Variants in DNAJC6 observed in about 807,000 individuals in gnomAD.
DNAJC6 encodes the protein DnaJ heat shock protein family (Hsp40) member C6.
A neutral mutation model predicts 110.0 loss-of-function variants in DNAJC6; 34 were observed. That is an observed-to-expected ratio of 0.31 (90% CI 0.24 to 0.41). The LOEUF (loss-of-function observed/expected upper bound fraction) is 0.41. DNAJC6 is among the 10% of genes least tolerant of loss of function. The pLI, the probability that DNAJC6 is intolerant of heterozygous loss-of-function variation, is 1.00. For synonymous variants in DNAJC6, 406 were observed against 437.2 expected (o/e 0.93, Z 0.89); for missense variants, 1,031 against 1,207.8 (o/e 0.85, Z 2.17).
chr1:65,264,800 T>A, exon 1 of DNAJC6: 1 of 1,545,516 alleles, frequency 6.5e-7, no homozygotes, highest in Non-Finnish European at 8.7e-7. Context: ...TGCTCCTCCG[T>A]TGAGAGACTT....
chr1:65,392,727 G>T lies in DNAJC6; in HGVS notation c.1765G>T (p.Gly589Cys). ...ELLSDLFGGG[G>C]AAGPTQAGQS... Reference sequence around the variant, plus strand: ...ACTGAGTGACCTGTTTGGGGGTGGAGGTGCAGCTGGTCCCACCCAGGCTGG... The same window carrying T: ...ACTGAGTGACCTGTTTGGGGGTGGATGTGCAGCTGGTCCCACCCAGGCTGG... The change falls in exon 12 of 19, where the codon GGT becomes TGT. Residue 589 changes from glycine (G) to cysteine (C), a missense_variant. Physicochemically the swap from Gly to Cys is radical, Grantham distance 159. Coordinates refer to ENST00000371069, the MANE Select transcript of DNAJC6 (RefSeq NM_001256864.2). 1 of 1,612,772 alleles carries T rather than the reference G, an allele frequency of 6.2e-7. No individual in the cohort carries two copies. The highest frequency in any genetic ancestry group is 8.5e-7 in the Non-Finnish European group (1 of 1,179,448).
At chr1:65,310,027 C>G in intron 1 of DNAJC6, 89 bp downstream of exon 1, 1 of 1,359,044 alleles carries the variant, frequency 7.4e-7, no homozygotes, top group African/African-American at 1.5e-5. Flanking sequence ...CCCGTGGTCC[C>G]CCAGCCCCGG....
At chr1:65,289,396 C>T (rs1036072332) in intron 1 of DNAJC6, among the ~76,000 whole-genome samples, 4 of 152,086 alleles carry the variant, frequency 2.6e-5, no homozygotes, top group African/African-American at 4.8e-5. Flanking sequence ...GGGGTTTTGC[C>T]GTGTTGGCCA....
chr1:65,405,368 C>CA (rs1209060459), intron 15 of DNAJC6, among the ~76,000 whole-genome samples: 2 of 152,104 alleles, frequency 1.3e-5, no homozygotes, highest in Admixed American at 6.5e-5. Context: ...TGCTTTATAA[C>CA]AAAAAATGAT....
Position 65,389,448 on chromosome 1 carries a change from A to C in DNAJC6, c.1386A>C (p.Gly462=), listed in dbSNP as rs781745301. 2 of 1,613,766 alleles carry C rather than the reference A, an allele frequency of 1.2e-6. No homozygotes were observed. Among genetic ancestry groups the C allele is most frequent in the African/African-American group, 2.7e-5 (2 of 74,886 alleles). ...HQEHQDTLAL[G]GQAPIDIPPD... ...AACATCAAGATACGCTGGCCTTAGG[A>C]GGTATGAGTCACCTGATGGTTTTGT... is the stretch of plus-strand genomic sequence containing the variant. The change falls in exon 10 of 19, where the codon GGA becomes GGC. Residue 462 remains glycine, a splice_region_variant and synonymous_variant. Coordinates refer to ENST00000371069, the MANE Select transcript of DNAJC6 (RefSeq NM_001256864.2).
intron 1 of DNAJC6, among the ~76,000 whole-genome samples, chr1:65,350,853 A>G (rs938579031): frequency 1.3e-5 from 2 of 152,298 alleles, no homozygotes; most frequent in Non-Finnish European, 2.9e-5. Flanking sequence ...ATATGCCAGC[A>G]TTTATAACCT....
chr1:65,272,576 T>A (rs925539039), intron 1 of DNAJC6, among the ~76,000 whole-genome samples: 3 of 152,248 alleles, frequency 2.0e-5, no homozygotes. Context: ...TATTTCTCTA[T>A]TCCCTGGAAG....
At chr1:65,264,859 C>T (rs368963141) in exon 1 of DNAJC6, 1 of 1,609,970 alleles carries the variant, frequency 6.2e-7, no homozygotes, top group African/African-American at 1.3e-5. Context: ...GTCAGGGTTG[C>T]AGAATCAGCC....
intron 1 of DNAJC6, among the ~76,000 whole-genome samples, chr1:65,360,171 C>T (rs1271186248): frequency 6.6e-6 from 1 of 152,198 alleles, no homozygotes; most frequent in African/African-American, 2.4e-5. Flanking sequence ...ACTTTTGGCA[C>T]TTATGTGGCT....
At chr1:65,341,442 T>G (rs1645388722) in intron 1 of DNAJC6, among the ~76,000 whole-genome samples, 2 of 152,150 alleles carry the variant, frequency 1.3e-5, no homozygotes, top group Admixed American at 1.3e-4. Flanking sequence ...GAGCTCTGAT[T>G]GTGTTACCTG....
intron 1 of DNAJC6, among the ~76,000 whole-genome samples, chr1:65,271,588 C>T (rs913584611): frequency 7.9e-5 from 12 of 151,896 alleles, no homozygotes; most frequent in African/African-American, 1.2e-4. Context: ...TTGATTAGGC[C>T]GGGTGCGGTG....
At chr1:65,295,499 C>T (rs577777300) in intron 1 of DNAJC6, among the ~76,000 whole-genome samples, 209 of 152,256 alleles carry the variant, frequency 1.4e-3, no homozygotes, top group African/African-American at 4.9e-3. Context: ...GCAGCTCTAA[C>T]CCAACCACAG....
intron 1 of DNAJC6, among the ~76,000 whole-genome samples, chr1:65,294,845 C>T (rs1447685448): frequency 1.3e-5 from 2 of 152,064 alleles, no homozygotes; most frequent in Admixed American, 6.6e-5. Flanking sequence ...AAAATGTTCT[C>T]TGTACAATAT....
chr1:65,400,848 G>C lies in DNAJC6; in HGVS notation c.2108-913G>C, dbSNP rs537687105. On this transcript the variant is annotated intron_variant, in intron 14 of 18. Coordinates refer to ENST00000371069, the MANE Select transcript of DNAJC6 (RefSeq NM_001256864.2). ...TTGATTTCCTTTGGATATATACCCA[G>C]TAGCAGGATTGATAAATCATATGGC... Among the ~76,000 whole-genome samples, 21 of 152,304 alleles carry C rather than the reference G, an allele frequency of 1.4e-4. 1 individual carries two copies. Among genetic ancestry groups the C allele is most frequent in the Middle Eastern group, 6.8e-3 (2 of 294 alleles).
At chr1:65,331,913 A>T (rs904705679) in intron 1 of DNAJC6, among the ~76,000 whole-genome samples, 4 of 152,024 alleles carry the variant, frequency 2.6e-5, no homozygotes, top group African/African-American at 9.7e-5. Flanking sequence ...TAATGTTGGG[A>T]TTTGCTCCAC....
chr1:65,271,324 A>G (rs1017876871), intron 1 of DNAJC6, among the ~76,000 whole-genome samples: 3 of 152,306 alleles, frequency 2.0e-5, no homozygotes, highest in East Asian at 3.9e-4. Flanking sequence ...TATTAACCCC[A>G]GTCACAGTGC....
intron 1 of DNAJC6, among the ~76,000 whole-genome samples, chr1:65,326,659 C>G (rs1645244454): frequency 6.6e-6 from 1 of 152,184 alleles, no homozygotes; most frequent in African/African-American, 2.4e-5. Flanking sequence ...GAAGCCCCCT[C>G]TCCAGTGCCC....
intron 15 of DNAJC6, among the ~76,000 whole-genome samples, chr1:65,403,059 CT>C (rs1273564851): frequency 6.6e-6 from 1 of 152,006 alleles, no homozygotes; most frequent in Non-Finnish European, 1.5e-5. Context: ...AAACTCCTGC[CT>C]TAATAAAACT....
At chr1:65,320,230 T>C (rs1042062497) in intron 1 of DNAJC6, among the ~76,000 whole-genome samples, 26 of 152,242 alleles carry the variant, frequency 1.7e-4, no homozygotes, top group African/African-American at 6.0e-4. Flanking sequence ...GATGAAGGAA[T>C]GAATTTTACT....
Sources: gnomAD v4.1 joint callset for allele counts (sites outside exome capture counted in the v4.1 genomes callset) on GRCh38, gnomAD v4.1.1 for gene constraint, MANE v1.5 for transcripts, NCBI Gene and HGNC (gene_info 2026-07-23, HGNC 2026-07-21) for gene names.